PRDM2: variants seen among roughly 807,000 people sequenced by gnomAD.
PRDM2 encodes PR/SET domain 2.
In PRDM2, 30 loss-of-function variants were observed where a neutral mutation model predicts 130.0. That is an observed-to-expected ratio of 0.23 (90% CI 0.17 to 0.31). The LOEUF is 0.31. PRDM2 is among the 10% of genes least tolerant of loss of function. The probability of loss-of-function intolerance (pLI) is 1.00; values close to 1 mark genes in which losing one functional copy is unlikely to be tolerated. For synonymous variants in PRDM2, 871 were observed against 782.4 expected, an observed-to-expected ratio of 1.11 and a Z score of -1.89; for missense variants, 2,011 against 2,108.4, an observed-to-expected ratio of 0.95 and a Z score of 0.90.
chr1:13,711,540 G>A (rs1437604886), intron 1 of PRDM2, among the ~76,000 whole-genome samples: 1 of 152,224 alleles, frequency 6.6e-6, no homozygotes, highest in Non-Finnish European at 1.5e-5. Flanking sequence ...CATAAGGAAA[G>A]GGACAGTCTT....
At chr1:13,741,148 A>G (rs1394747329) in intron 4 of PRDM2, among the ~76,000 whole-genome samples, 1 of 152,224 alleles carries the variant, frequency 6.6e-6, no homozygotes, top group Non-Finnish European at 1.5e-5. Context: ...GTATGCATGT[A>G]TATACAAAAT....
At chr1:13,810,385 G>C (rs1645151658) in intron 8 of PRDM2, among the ~76,000 whole-genome samples, 1 of 152,080 alleles carries the variant, frequency 6.6e-6, no homozygotes, top group Non-Finnish European at 1.5e-5. Flanking sequence ...TATTCATTTT[G>C]CTGCTTCTGA....
At chr1:13,786,823 T>G (rs1451549415) in intron 8 of PRDM2, 1 of 1,201,048 alleles carries the variant, frequency 8.3e-7, no homozygotes, top group Non-Finnish European at 1.0e-6. Flanking sequence ...ACCTCAGATC[T>G]GAGCATGGCC....
chr1:13,788,148 G>A (rs1022787310), intron 8 of PRDM2: 26 of 915,702 alleles, frequency 2.8e-5, no homozygotes, highest in Non-Finnish European at 3.0e-5. Flanking sequence ...GTGTGTGGAG[G>A]ATTGTTCAGA....
Position 13,762,834 on chromosome 1 carries a change from G to A in PRDM2, c.512-10244G>A, listed in dbSNP as rs542691523. Among the ~76,000 whole-genome samples, 5 of 152,304 alleles carry A rather than the reference G, an allele frequency of 3.3e-5. No individual in the cohort carries two copies. In the South Asian group the frequency reaches 8.3e-4, roughly 25 times the overall value. On this transcript the variant is annotated intron_variant, in intron 6 of 9. Transcript: ENST00000311066. Reference sequence around the variant, plus strand: ...ACTTTACATCCTCCCCTGCGATTATGTGGATGATGTGTCGGTCCGTGAGTG... The same window carrying A: ...ACTTTACATCCTCCCCTGCGATTATATGGATGATGTGTCGGTCCGTGAGTG...
chr1:13,795,696 T>A (rs1644911844), intron 8 of PRDM2, among the ~76,000 whole-genome samples: 1 of 152,234 alleles, frequency 6.6e-6, no homozygotes, highest in African/African-American at 2.4e-5. Context: ...GAAACCAGCA[T>A]GTCTGAGGTT....
Position 13,749,371 on chromosome 1 carries a change from CG to C in PRDM2, c.398del (p.Gly133AlafsTer16). The C allele has an allele frequency of 6.7e-7, 1 of 1,491,324 alleles. No individual in the cohort carries two copies. Among genetic ancestry groups the C allele is most frequent in the East Asian group, 2.9e-5 (1 of 34,414 alleles). 92.4% of individuals were successfully genotyped at this position (1,491,324 alleles called of 1,614,324 possible). On this transcript the variant is annotated frameshift_variant, in exon 6 of 10. Transcript: ENST00000311066. LOFTEE classifies it high-confidence loss of function. ...CTTCTCTCCCCGCAGCCAATCGCGC[CG>C]GGCGAGGAGCTCCTGGTCTGGTACA... ...IYYKTLKPIA[P>X]GEELLVWYNG...
In PRDM2 at chr1:13,778,418, G is replaced by T; in HGVS notation, c.623G>T (p.Gly208Val). The T allele has an allele frequency of 1.3e-6, 2 of 1,596,606 alleles. No individual in the cohort carries two copies. Among genetic ancestry groups the T allele is most frequent in the Non-Finnish European group, 1.7e-6 (2 of 1,173,860 alleles). The change falls in exon 8 of 10, where the codon GGT becomes GTT. Residue 208 changes from glycine (G) to valine (V), a missense_variant and splice_region_variant. By Grantham distance (109) the Gly-to-Val change is moderately radical. This residue lies in a region of PRDM2 where 1,288 missense variants were observed against 1,237.7 expected (regional missense o/e 1.04). Transcript: ENST00000311066. ...TSANMRDSAE[G>V]PKEDEEKPSA... The stretch of plus-strand genomic sequence containing the variant: ...GCTTCTGCTTCCATGTGCTTTCTAG[G>T]TCCTAAAGAAGACGAAGAGAAGCCT...
chr1:13,712,754 C>T (rs1022134934), intron 1 of PRDM2, among the ~76,000 whole-genome samples: 3 of 152,130 alleles, frequency 2.0e-5, no homozygotes, highest in Non-Finnish European at 4.4e-5. Context: ...AGCGAGACTC[C>T]GTCTCAAAAA....
At chr1:13,776,530 T>C (rs1644479096) in intron 7 of PRDM2, among the ~76,000 whole-genome samples, 1 of 152,230 alleles carries the variant, frequency 6.6e-6, no homozygotes, top group Admixed American at 6.5e-5. Flanking sequence ...TCTTTTTCTT[T>C]ACAGGTAAAC....
intron 4 of PRDM2, among the ~76,000 whole-genome samples, chr1:13,740,612 CCTTT>C (rs1178596401): frequency 1.3e-5 from 2 of 152,128 alleles, no homozygotes; most frequent in Non-Finnish European, 2.9e-5. Flanking sequence ...TGAGTCGAAG[CCTTT>C]CTTTATGACA....
At chr1:13,801,000 C>CT (rs1644998570) in intron 8 of PRDM2, among the ~76,000 whole-genome samples, 1 of 152,236 alleles carries the variant, frequency 6.6e-6, no homozygotes, top group Admixed American at 6.5e-5. Context: ...CTGTCAGACT[C>CT]TAAACCTCAT....
At chr1:13,702,792 T>A (rs1480215812) in intron 1 of PRDM2, among the ~76,000 whole-genome samples, 2 of 152,208 alleles carry the variant, frequency 1.3e-5, no homozygotes, top group Non-Finnish European at 2.9e-5. Flanking sequence ...GCTTTTCATG[T>A]TATTTTTAAT....
At chr1:13,813,894 G>A (rs553205630) in intron 8 of PRDM2, among the ~76,000 whole-genome samples, 16 of 152,362 alleles carry the variant, frequency 1.1e-4, no homozygotes, top group African/African-American at 3.6e-4. Flanking sequence ...GCTGGCTAGA[G>A]AGGCCTGGGA....
rs565733483 is a variant in PRDM2, at chr1:13,806,950, C to T, written c.5037-9477C>T. Among the ~76,000 whole-genome samples the T allele has an allele frequency of 2.6e-5, 4 of 152,328 alleles. No homozygotes were observed. In the South Asian group the frequency reaches 8.3e-4, roughly 32 times the overall value. ...TAGTATCCGGACCGATTGATCCCCC[C>T]ACCCCAGGTCGTAGCCCACACACTG... On this transcript the variant is annotated intron_variant, in intron 8 of 9. Transcript: ENST00000311066. This position sits in a 1 kb window ranked among gnomAD's most constrained non-coding sequence, Gnocchi z 4.1.
At chr1:13,813,292 C>T (rs1363503596) in intron 8 of PRDM2, among the ~76,000 whole-genome samples, 1 of 152,224 alleles carries the variant, frequency 6.6e-6, no homozygotes, top group Non-Finnish European at 1.5e-5. Context: ...CTAACTGCTA[C>T]TGTGCCCTGG....
intron 8 of PRDM2, among the ~76,000 whole-genome samples, chr1:13,802,326 TTG>T (rs1327029825): frequency 1.3e-5 from 2 of 152,200 alleles, no homozygotes; most frequent in African/African-American, 4.8e-5. Context: ...CAAGCTGGTT[TTG>T]ACCTCTTGGG....
intron 6 of PRDM2, among the ~76,000 whole-genome samples, chr1:13,752,116 A>ATAGC (rs2100548305): frequency 6.6e-6 from 1 of 152,354 alleles, no homozygotes; most frequent in South Asian, 2.1e-4. Context: ...AAATCAGTAA[A>ATAGC]TAGCTGATCA....
chr1:13,715,587 AAC>A lies in PRDM2; in HGVS notation c.-15_-14del. The A allele has an allele frequency of 6.3e-7, 1 of 1,584,686 alleles. No homozygotes were observed. Among genetic ancestry groups the A allele is most frequent in the Non-Finnish European group, 8.6e-7 (1 of 1,166,966 alleles). On this transcript the variant is annotated 5_prime_UTR_variant, in exon 2 of 10. Transcript: ENST00000311066. ...TTCTTTGTTGTGTGTATCTTTACAGAACACAACAGGAATTGAAAATGAATCAG... is the reference window on the plus strand; with the variant it reads ...TTCTTTGTTGTGTGTATCTTTACAGAACAACAGGAATTGAAAATGAATCAG...
Sources: gnomAD v4.1 joint callset for allele counts (sites outside exome capture counted in the v4.1 genomes callset) on GRCh38, gnomAD v4.1.1 for gene constraint, gnomAD v4.1.1 regional missense constraint, Gnocchi (gnomAD v3.1) non-coding constraint, MANE v1.5 for transcripts, NCBI Gene and HGNC (gene_info 2026-07-23, HGNC 2026-07-21) for gene names.